Variants in FYB1 observed in about 807,000 individuals in gnomAD.
The protein encoded by FYB1 is FYN-binding protein 1.
Under a neutral mutation model 94.1 loss-of-function variants are expected in FYB1, and 41 were observed. The observed-to-expected ratio is 0.44, with a 90% CI of 0.34 to 0.57. FYB1 has a LOEUF of 0.57. Ranked by LOEUF, FYB1 falls within the 20% of genes least tolerant of loss-of-function variation. The pLI, the probability that FYB1 is intolerant of heterozygous loss-of-function variation, is 0.02. For synonymous variants in FYB1, 367 were observed against 353.2 expected, an observed-to-expected ratio of 1.04 and a Z score of -0.44; for missense variants, 1,050 against 976.8, an observed-to-expected ratio of 1.07 and a Z score of -1.00.
intron 1 of FYB1, among the ~76,000 whole-genome samples, chr5:39,236,777 G>T (rs577545380): frequency 6.6e-6 from 1 of 152,262 alleles, no homozygotes; most frequent in South Asian, 2.1e-4. Context: ...GGCTGAGATA[G>T]CTCTCTGCTG....
chr5:39,212,003 C>T (rs1480259130), intron 1 of FYB1, among the ~76,000 whole-genome samples: 2 of 152,156 alleles, frequency 1.3e-5, no homozygotes, highest in African/African-American at 4.8e-5. Context: ...AACGAGCTAA[C>T]CAAGACAGGT....
intron 13 of FYB1, among the ~76,000 whole-genome samples, chr5:39,122,623 A>G (rs1740234665): frequency 6.6e-6 from 1 of 152,154 alleles, no homozygotes; most frequent in Non-Finnish European, 1.5e-5. Flanking sequence ...ACCAGTGACC[A>G]TAATGATAAT....
chr5:39,210,036 C>T (rs1031580152), intron 1 of FYB1, among the ~76,000 whole-genome samples: 1 of 152,234 alleles, frequency 6.6e-6, no homozygotes, highest in Non-Finnish European at 1.5e-5. Flanking sequence ...TTGACTCTCG[C>T]CGCAAATTAA....
At chr5:39,247,038 A>G (rs1198244064) in intron 1 of FYB1, among the ~76,000 whole-genome samples, 1 of 146,396 alleles carries the variant, frequency 6.8e-6, no homozygotes, top group Non-Finnish European at 1.5e-5. Flanking sequence ...TGTAAAGCCC[A>G]TAAGATAATG....
intron 1 of FYB1, among the ~76,000 whole-genome samples, chr5:39,203,815 C>G (rs1748597160): frequency 6.6e-6 from 1 of 152,024 alleles, no homozygotes; most frequent in Non-Finnish European, 1.5e-5. Flanking sequence ...CTGAGTCTCC[C>G]CTGCTTGTCT....
intron 1 of FYB1, among the ~76,000 whole-genome samples, chr5:39,244,310 C>T (rs1208421411): frequency 6.6e-6 from 1 of 152,046 alleles, no homozygotes; most frequent in African/African-American, 2.4e-5. Flanking sequence ...TTTTGAGGTA[C>T]GTCCCATCAA....
chr5:39,124,418 A>G lies in FYB1; in HGVS notation c.2046-140T>C, dbSNP rs532101586. 7.8e-6 allele frequency: 4 copies of G among 511,210 alleles called. No individual in the cohort carries two copies. The East Asian group carries it at 1.4e-4, about 18-fold the overall frequency. The allele number at this position is 511,210 out of a possible 1,614,324, so 31.7% of individuals were successfully genotyped here. On this transcript the variant is annotated intron_variant, in intron 12 of 18. Transcript: ENST00000512982. ...ATCTGTTGACCATCATTTCTTTCTCATCCTCCATTTCTCCACTAAGTCCAT... is the reference window on the plus strand; with the variant it reads ...ATCTGTTGACCATCATTTCTTTCTCGTCCTCCATTTCTCCACTAAGTCCAT...
intron 1 of FYB1, among the ~76,000 whole-genome samples, chr5:39,246,780 T>C (rs920289715): frequency 6.6e-6 from 1 of 152,088 alleles, no homozygotes. Flanking sequence ...GGAAAAGATG[T>C]TTATGTTACA....
At chr5:39,153,404 G>T in intron 3 of FYB1, 44 bp downstream of exon 3, 1 of 1,601,380 alleles carries the variant, frequency 6.2e-7, no homozygotes, top group Non-Finnish European at 8.6e-7. Flanking sequence ...GAAAATCTAC[G>T]GCAAGAGACT....
At chr5:39,150,531 G>A (rs1281131111) in intron 3 of FYB1, among the ~76,000 whole-genome samples, 1 of 152,240 alleles carries the variant, frequency 6.6e-6, no homozygotes, top group East Asian at 1.9e-4. Flanking sequence ...CGTGCAAATA[G>A]AAACTCTTGA....
chr5:39,166,104 G>C (rs890690435), intron 2 of FYB1, among the ~76,000 whole-genome samples: 3 of 152,150 alleles, frequency 2.0e-5, no homozygotes, highest in African/African-American at 7.2e-5. Flanking sequence ...TGGAATTACT[G>C]TAAGATTCAG....
chr5:39,266,197 G>A (rs1436421973), intron 1 of FYB1, among the ~76,000 whole-genome samples: 2 of 152,040 alleles, frequency 1.3e-5, no homozygotes, highest in Non-Finnish European at 2.9e-5. Context: ...TTTCCACAGG[G>A]GCAGATAAAG....
chr5:39,134,107 A>G (rs993014450), intron 9 of FYB1, 101 bp downstream of exon 9: 1 of 789,022 alleles, frequency 1.3e-6, no homozygotes, highest in Non-Finnish European at 2.0e-6. Flanking sequence ...AGTGATAGAG[A>G]GCAGTAGGAG....
At chr5:39,152,868 T>C (rs1743367600) in intron 3 of FYB1, among the ~76,000 whole-genome samples, 1 of 152,230 alleles carries the variant, frequency 6.6e-6, no homozygotes, top group Non-Finnish European at 1.5e-5. Flanking sequence ...TTTAGCATAG[T>C]AGTTTAAAGC....
chr5:39,126,466 T>TG lies in FYB1; in HGVS notation c.1908-332dup, dbSNP rs527427748. Among the ~76,000 whole-genome samples the TG allele has an allele frequency of 1.4e-4, 21 of 151,956 alleles. No individual in the cohort carries two copies. In the South Asian group the frequency reaches 4.2e-3, roughly 30 times the overall value. On this transcript the variant is annotated intron_variant, in intron 11 of 18. Transcript: ENST00000512982. Reference sequence around the variant, plus strand: ...ATCCTGGCACTTTGGGAAGCCAAAGTGGGAGGATTGCTTAAGCCCAGGAGT... The same window carrying TG: ...ATCCTGGCACTTTGGGAAGCCAAAGTGGGGAGGATTGCTTAAGCCCAGGAGT...
intron 16 of FYB1, among the ~76,000 whole-genome samples, chr5:39,117,664 A>T (rs1739697489): frequency 6.6e-6 from 1 of 151,570 alleles, no homozygotes; most frequent in Non-Finnish European, 1.5e-5. Flanking sequence ...TATTCTTGAA[A>T]CTCCATTTCA....
chr5:39,152,798 C>T (rs1743359891), intron 3 of FYB1, among the ~76,000 whole-genome samples: 1 of 152,166 alleles, frequency 6.6e-6, no homozygotes, highest in African/African-American at 2.4e-5. Context: ...TGTTAACGCC[C>T]AGCCAAAAAT....
chr5:39,234,832 T>C (rs537417118), intron 1 of FYB1, among the ~76,000 whole-genome samples: 6 of 151,312 alleles, frequency 4.0e-5, no homozygotes, highest in South Asian at 4.2e-4. Flanking sequence ...TAAGTGGGAG[T>C]TGAACAACGA....
At chr5:39,224,868 C>A (rs1542799) in intron 1 of FYB1, among the ~76,000 whole-genome samples, 99,491 of 152,064 alleles carry the variant, frequency 0.65, 36,827 homozygotes, top group Non-Finnish European at 0.83. Context: ...TGCTTTCTTC[C>A]AAGTAGGAAA....
Sources: allele counts gnomAD v4.1 joint callset (sites outside exome capture counted in the v4.1 genomes callset), GRCh38; gene constraint gnomAD v4.1.1; transcripts MANE v1.5; gene names NCBI Gene and HGNC (gene_info 2026-07-23, HGNC 2026-07-21).